TRPV3: variants seen among roughly 807,000 people sequenced by gnomAD.
TRPV3 encodes the protein VRL-3.
TRPV3 carries 88 observed loss-of-function variants against 87.1 expected under a neutral mutation model. The ratio of observed to expected loss-of-function variants is 1.01; its 90% CI spans 0.85 to 1.21. TRPV3 has a LOEUF of 1.21. Among genes scored for constraint, TRPV3 ranks in the 50% most tolerant of loss-of-function variants. The pLI, the probability that TRPV3 is intolerant of heterozygous loss-of-function variation, is 0.00. For synonymous variants in TRPV3, 438 were observed against 423.3 expected, an observed-to-expected ratio of 1.03 and a Z score of -0.43; for missense variants, 1,054 against 1,030.1, an observed-to-expected ratio of 1.02 and a Z score of -0.32.
At chr17:3,526,809 CA>C in intron 12 of TRPV3, 44 bp downstream of exon 12, 1 of 1,529,970 alleles carries the variant, frequency 6.5e-7, no homozygotes. Context: ...TACAGGACGT[CA>C]ACCCTGCCTG....
Position 3,556,163 on chromosome 17 carries a change from C to T in TRPV3, c.-2-1311G>A, listed in dbSNP as rs1017968506. ...CTGCACTCCAGCCTGGGCGACAGAG[C>T]GAGACTCCGTCTCAAAAAAAATGAA... is the stretch of plus-strand genomic sequence containing the variant. On this transcript the variant is annotated intron_variant, in intron 1 of 17. Transcript: ENST00000576742. This position sits in a 1 kb window ranked among gnomAD's most constrained non-coding sequence, Gnocchi z 4.2. 7.0e-5 allele frequency among the ~76,000 whole-genome samples: 10 copies of T among 143,488 alleles called. No individual in the cohort carries two copies. The highest frequency in any genetic ancestry group is 6.6e-4 in the Admixed American group (9 of 13,628). 94.1% of individuals were successfully genotyped at this position (143,488 alleles called of 152,430 possible).
At position 3,524,191 on chromosome 17, in the gene TRPV3, A is replaced by G; in HGVS notation, c.1743+7T>C. 1 of 1,613,664 alleles carries G rather than the reference A, an allele frequency of 6.2e-7. No individual in the cohort carries two copies. Among genetic ancestry groups the G allele is most frequent in the Non-Finnish European group, 8.5e-7 (1 of 1,179,800 alleles). ...GGGCCCTCCCGCCGGCGCAGCTCTCAACGCACCTTCTGGATCATGACGCTG... is the reference window on the plus strand; with the variant it reads ...GGGCCCTCCCGCCGGCGCAGCTCTCGACGCACCTTCTGGATCATGACGCTG... On this transcript the variant is annotated splice_region_variant and intron_variant, in intron 13 of 17. Coordinates refer to ENST00000576742, the MANE Select transcript of TRPV3 (RefSeq NM_145068.4).
chr17:3,543,726 C>G (rs927929444), intron 4 of TRPV3, 98 bp from the exon 5 acceptor site: 1 of 1,495,864 alleles, frequency 6.7e-7, no homozygotes, highest in African/African-American at 1.4e-5. Flanking sequence ...CTGCAGCTGC[C>G]GCCAACATCT....
intron 12 of TRPV3, among the ~76,000 whole-genome samples, chr17:3,525,252 TCA>T (rs1177733736): frequency 1.3e-5 from 2 of 152,228 alleles, no homozygotes; most frequent in Non-Finnish European, 2.9e-5. Context: ...ACTTCTGACC[TCA>T]GGTGATCCAC....
At position 3,542,610 on chromosome 17, in the gene TRPV3, C is replaced by G. The variant is rs991263448; in HGVS notation, c.555G>C (p.Glu185Asp). ...CAAAGGCAAGCAGGATCCGCACTAT[C>G]TCCTTGGTGTTGGGGTTGATGTTTA... ...ALLNINPNTK[E>D]IVRILLAFAE... Residue 185 changes from glutamate (E) to aspartate (D), a missense_variant, in exon 6 of 18, where the codon GAG becomes GAC. Glu to Asp is a conservative substitution (Grantham distance 45, BLOSUM62 2). Coordinates refer to ENST00000576742, the MANE Select transcript of TRPV3 (RefSeq NM_145068.4). 2 of 1,613,944 alleles carry G rather than the reference C, an allele frequency of 1.2e-6. No homozygotes were observed. The highest frequency in any genetic ancestry group is 1.7e-6 in the Non-Finnish European group (2 of 1,179,938).
chr17:3,532,253 A>G (rs1251053500), intron 8 of TRPV3, among the ~76,000 whole-genome samples: 2 of 152,274 alleles, frequency 1.3e-5, no homozygotes, highest in East Asian at 3.9e-4. Flanking sequence ...TCTCCCCATA[A>G]TTGGGAAATG....
At chr17:3,542,479 C>G in intron 6 of TRPV3, 43 bp downstream of exon 6, 2 of 1,590,054 alleles carry the variant, frequency 1.3e-6, no homozygotes, top group South Asian at 2.3e-5. Context: ...ATACCCCACC[C>G]TCAGAGACTC....
chr17:3,532,090 A>T (rs2074354114), intron 8 of TRPV3, among the ~76,000 whole-genome samples: 1 of 152,214 alleles, frequency 6.6e-6, no homozygotes, highest in African/African-American at 2.4e-5. Flanking sequence ...CCCCTGAAAG[A>T]GATCTGAGCC....
In TRPV3 at chr17:3,528,959, T is replaced by C. The variant is rs761602850; in HGVS notation, c.1279A>G (p.Thr427Ala). The C allele has an allele frequency of 1.5e-5, 25 of 1,614,066 alleles. No homozygotes were observed. The East Asian group carries it at 3.6e-4, about 23-fold the overall frequency. ...TTCTTCCACTTCATATGCAGCAGCG[T>C]GTGCAGCGGCTCCAGGGTCAGCATC... is the stretch of plus-strand genomic sequence containing the variant. ...HEMLTLEPLHTLLHMKWKKFA... is the reference protein window; with the variant it reads ...HEMLTLEPLHALLHMKWKKFA... Residue 427 changes from threonine to alanine, a missense_variant, in exon 10 of 18, where the codon ACG becomes GCG. By Grantham distance (58) the Thr-to-Ala change is moderately conservative. Coordinates refer to ENST00000576742, the MANE Select transcript of TRPV3 (RefSeq NM_145068.4). The surrounding 1 kb of genome is among the most constrained non-coding windows in gnomAD (Gnocchi z 4.2).
At position 3,546,006 on chromosome 17, in the gene TRPV3, A is replaced by C. The variant is rs575929623; in HGVS notation, c.120-735T>G. Among the ~76,000 whole-genome samples the C allele has an allele frequency of 2.0e-4, 30 of 150,732 alleles. 1 individual carries two copies. The South Asian group carries it at 6.1e-3, about 31-fold the overall frequency. On this transcript the variant is annotated intron_variant, in intron 2 of 17. Transcript: ENST00000576742. ...CTCCGTCTCAAAAAAAAAAAAAAAA[A>C]AGAAAGAAAACAGGGAGCACAGGGC...
In TRPV3 at chr17:3,542,566, A is replaced by G; in HGVS notation, c.599T>C (p.Leu200Pro). 1 of 1,614,122 alleles carries G rather than the reference A, an allele frequency of 6.2e-7. No individual in the cohort carries two copies. Among genetic ancestry groups the G allele is most frequent in the Non-Finnish European group, 8.5e-7 (1 of 1,180,000 alleles). Residue 200 changes from leucine to proline, a missense_variant, in exon 6 of 18, where the codon CTG (leucine) becomes CCG (proline). Physicochemically the swap from Leu to Pro is moderately conservative, Grantham distance 98 (BLOSUM62 -3). Transcript: ENST00000576742. ...LLAFAEENDI[L>P]GRFINAEYTE... is the part of the protein sequence containing the mutation. ...GTACTCGGCGTTGATGAACCTGCCC[A>G]GGATGTCGTTCTCTTCAGCAAAGGC... is the stretch of plus-strand genomic sequence containing the variant.
intron 6 of TRPV3, among the ~76,000 whole-genome samples, chr17:3,537,987 A>G (rs1292992068): frequency 6.6e-6 from 1 of 151,478 alleles, no homozygotes; most frequent in Non-Finnish European, 1.5e-5. Context: ...TCACGAGGTC[A>G]GGAGATCGAG....
At chr17:3,526,994 G>T in intron 11 of TRPV3, 67 bp from the exon 12 acceptor site, 1 of 1,323,590 alleles carries the variant, frequency 7.6e-7, no homozygotes, top group Non-Finnish European at 1.1e-6. Flanking sequence ...CTGAGCAGAG[G>T]GTGCTTCCCC....
intron 13 of TRPV3, among the ~76,000 whole-genome samples, chr17:3,522,446 T>A (rs1161205543): frequency 6.6e-6 from 1 of 152,214 alleles, no homozygotes; most frequent in Non-Finnish European, 1.5e-5. Flanking sequence ...CAGTATATTG[T>A]TATCATTGTT....
At chr17:3,515,537 T>G (rs963323142) in intron 16 of TRPV3, among the ~76,000 whole-genome samples, 1 of 152,128 alleles carries the variant, frequency 6.6e-6, no homozygotes, top group Non-Finnish European at 1.5e-5. Context: ...GGCATATGCC[T>G]GCAGTCCCAG....
rs1465097197 is a variant in TRPV3, at chr17:3,514,675, G to A, written c.2199-3C>T. 32 of 1,610,940 alleles carry A rather than the reference G, an allele frequency of 2.0e-5. No individual in the cohort carries two copies. Among genetic ancestry groups the A allele is most frequent in the Non-Finnish European group, 2.6e-5 (31 of 1,177,214 alleles). On this transcript the variant is annotated splice_region_variant and splice_polypyrimidine_tract_variant and intron_variant, in intron 16 of 17. Transcript: ENST00000576742. ...CAGTCCACTTCACCTCATTGATCCT[G>A]CAAATGTGATAATCATTCTTACTAT...
intron 11 of TRPV3, 120 bp from the exon 12 acceptor site, chr17:3,527,047 T>C: frequency 1.3e-6 from 1 of 770,246 alleles, no homozygotes; most frequent in Non-Finnish European, 2.2e-6. Context: ...AAGGCCCAGC[T>C]AGAGTCCAGG....
At chr17:3,547,510 A>G (rs757028613) in intron 2 of TRPV3, among the ~76,000 whole-genome samples, 4 of 152,174 alleles carry the variant, frequency 2.6e-5, no homozygotes, top group Non-Finnish European at 4.4e-5. Flanking sequence ...AATCCCATCT[A>G]CGTGGGAGGC....
intron 14 of TRPV3, among the ~76,000 whole-genome samples, chr17:3,519,858 A>ATGAC (rs2074227987): frequency 1.6e-5 from 1 of 61,154 alleles, no homozygotes; most frequent in Non-Finnish European, 4.9e-5. Flanking sequence ...GACTGGATGG[A>ATGAC]TGGATGGATG....
Sources: allele counts gnomAD v4.1 joint callset (sites outside exome capture counted in the v4.1 genomes callset), GRCh38; gene constraint gnomAD v4.1.1; non-coding constraint Gnocchi (gnomAD v3.1); transcripts MANE v1.5; gene names NCBI Gene and HGNC (gene_info 2026-07-23, HGNC 2026-07-21).